The following MAGI2 variants were observed in gnomAD, a reference collection of about 807,000 sequenced individuals.
MAGI2 encodes membrane-associated guanylate kinase, WW and PDZ domain-containing protein 2.
MAGI2 carries 35 observed loss-of-function variants against 133.3 expected under a neutral mutation model. That is an observed-to-expected ratio of 0.26 (90% CI 0.20 to 0.35). The LOEUF (loss-of-function observed/expected upper bound fraction) is 0.35, where lower values mean the gene tolerates loss of function less well. Among genes scored for constraint, MAGI2 ranks in the 10% least tolerant of loss-of-function variants. The pLI is 1.00. For synonymous variants in MAGI2, 729 were observed against 710.6 expected, an observed-to-expected ratio of 1.03 and a Z score of -0.41; for missense variants, 1,636 against 1,863.4, an observed-to-expected ratio of 0.88 and a Z score of 2.25.
rs116741982 is a variant in MAGI2 at position 78,267,274 on chromosome 7, A to G, written c.1409-10693T>C. On this transcript the variant is annotated intron_variant, in intron 9 of 21. Transcript: ENST00000354212. ...ATATGGATTTCAGAAGTGCTGCAGCATTAAGTTGCTGAGCTTCATAAAATG... is the reference window on the plus strand; with the variant it reads ...ATATGGATTTCAGAAGTGCTGCAGCGTTAAGTTGCTGAGCTTCATAAAATG... Among the ~76,000 whole-genome samples the G allele has an allele frequency of 9.2e-3, 1,399 of 152,308 alleles. 15 individuals are homozygous for G. Among genetic ancestry groups the G allele is most frequent in the African/African-American group, 0.031 (1,305 of 41,560 alleles).
At chr7:78,712,275 T>A (rs1819270310) in intron 2 of MAGI2, among the ~76,000 whole-genome samples, 1 of 152,186 alleles carries the variant, frequency 6.6e-6, no homozygotes, top group Admixed American at 6.5e-5. Context: ...TAAAGTTTGT[T>A]CTGTCTGACT....
chr7:78,119,181 C>T (rs926434463), intron 20 of MAGI2, among the ~76,000 whole-genome samples: 1 of 152,086 alleles, frequency 6.6e-6, no homozygotes, highest in Non-Finnish European at 1.5e-5. Context: ...TAGTGGAACA[C>T]GGAGAATTTT....
intron 3 of MAGI2, among the ~76,000 whole-genome samples, chr7:78,623,613 T>C (rs1807985135): frequency 6.6e-6 from 1 of 152,110 alleles, no homozygotes; most frequent in South Asian, 2.1e-4. Context: ...GCCTATTTCC[T>C]GTAAATGTGG....
chr7:79,401,404 G>A (rs552697597), intron 1 of MAGI2, among the ~76,000 whole-genome samples: 5 of 152,314 alleles, frequency 3.3e-5, no homozygotes, highest in South Asian at 2.1e-4. Context: ...TCAGGCAGGA[G>A]ATAGAATGTC....
chr7:78,513,113 G>A (rs564048563), intron 4 of MAGI2, among the ~76,000 whole-genome samples: 1 of 152,056 alleles, frequency 6.6e-6, no homozygotes, highest in Non-Finnish European at 1.5e-5. Context: ...ATTTCTTAGA[G>A]CTTGCCTTCA....
chr7:79,194,276 C>A (rs1827902198), intron 1 of MAGI2, among the ~76,000 whole-genome samples: 1 of 151,938 alleles, frequency 6.6e-6, no homozygotes, highest in Admixed American at 6.6e-5. Flanking sequence ...AGACAACACA[C>A]CTTTTTGTTG....
At chr7:78,586,043 T>G (rs926589981) in intron 3 of MAGI2, among the ~76,000 whole-genome samples, 1 of 152,236 alleles carries the variant, frequency 6.6e-6, no homozygotes, top group Non-Finnish European at 1.5e-5. Flanking sequence ...CTGTATTACC[T>G]GCATTAAATG....
At chr7:78,629,615 C>G (rs1192210366) in intron 2 of MAGI2, among the ~76,000 whole-genome samples, 1 of 152,128 alleles carries the variant, frequency 6.6e-6, no homozygotes, top group East Asian at 1.9e-4. Flanking sequence ...ACAGCAGTTG[C>G]TATAAAAAAA....
intron 9 of MAGI2, among the ~76,000 whole-genome samples, chr7:78,315,852 G>T (rs915564116): frequency 6.6e-6 from 1 of 152,118 alleles, no homozygotes; most frequent in African/African-American, 2.4e-5. Context: ...TTTACAGGAA[G>T]AACTGTGGTC....
At chr7:78,137,647 A>G (rs1822295001) in intron 16 of MAGI2, among the ~76,000 whole-genome samples, 1 of 152,200 alleles carries the variant, frequency 6.6e-6, no homozygotes, top group Non-Finnish European at 1.5e-5. Flanking sequence ...TTCAGTTATG[A>G]AAGAGATGTG....
chr7:78,763,449 G>A (rs1212153423), intron 2 of MAGI2, among the ~76,000 whole-genome samples: 1 of 152,082 alleles, frequency 6.6e-6, no homozygotes, highest in South Asian at 2.1e-4. Context: ...ATTTTCTGAA[G>A]CGTTTCTTTA....
At chr7:78,736,079 G>A (rs1012397854) in intron 2 of MAGI2, among the ~76,000 whole-genome samples, 4 of 152,094 alleles carry the variant, frequency 2.6e-5, no homozygotes, top group Non-Finnish European at 4.4e-5. Context: ...TCATGAATAA[G>A]CACAAAGAGA....
Position 78,222,100 on chromosome 7 carries a change from C to T in MAGI2, c.2048-20907G>A, listed in dbSNP as rs76374612. On this transcript the variant is annotated intron_variant, in intron 10 of 21. Transcript: ENST00000354212. ...AGCTCTTTGAAAAGCGCTGGACATT[C>T]AGGAGAGATGAGAGGTTTATGCTGG... 1.9e-3 allele frequency among the ~76,000 whole-genome samples: 290 copies of T among 152,032 alleles called. 4 individuals are homozygous for T. The East Asian group carries it at 0.051, about 27-fold the overall frequency.
chr7:78,808,298 C>T (rs1466108391), intron 2 of MAGI2, among the ~76,000 whole-genome samples: 1 of 151,992 alleles, frequency 6.6e-6, no homozygotes, highest in Non-Finnish European at 1.5e-5. Flanking sequence ...GCTCTGTCAC[C>T]CAGGCTGGAG....
intron 1 of MAGI2, among the ~76,000 whole-genome samples, chr7:79,247,615 A>ATAC (rs147074717): frequency 0.035 from 5,296 of 151,928 alleles, 151 homozygotes; most frequent in Non-Finnish European, 0.051. Context: ...ACTGTCTGAA[A>ATAC]TACTACTACT....
chr7:78,446,148 T>C (rs1487700889), intron 6 of MAGI2, among the ~76,000 whole-genome samples: 1 of 107,606 alleles, frequency 9.3e-6, no homozygotes, highest in African/African-American at 2.9e-5. Context: ...AAATACTATA[T>C]GTTTAACTTA....
chr7:78,168,141 C>T, intron 14 of MAGI2, 33 bp from the exon 15 acceptor site: 1 of 1,455,140 alleles, frequency 6.9e-7, no homozygotes, highest in Non-Finnish European at 9.5e-7. Flanking sequence ...AGGACATTCA[C>T]ATTTCAATCC....
At chr7:79,213,423 A>C (rs1285094143) in intron 1 of MAGI2, among the ~76,000 whole-genome samples, 3 of 151,870 alleles carry the variant, frequency 2.0e-5, no homozygotes, top group African/African-American at 7.3e-5. Context: ...GGCTCAAGCA[A>C]TTCTCCAGCC....
intron 6 of MAGI2, among the ~76,000 whole-genome samples, chr7:78,459,548 G>A (rs558413969): frequency 7.9e-5 from 12 of 152,208 alleles, no homozygotes; most frequent in Middle Eastern, 3.4e-3. Context: ...CATATTCCAC[G>A]AATTTAATAT....
Sources: gnomAD v4.1 joint callset for allele counts (sites outside exome capture counted in the v4.1 genomes callset) on GRCh38, gnomAD v4.1.1 for gene constraint, MANE v1.5 for transcripts, NCBI Gene and HGNC (gene_info 2026-07-23, HGNC 2026-07-21) for gene names.